Variants in MGMT observed in about 807,000 individuals in gnomAD.
MGMT encodes methylated-DNA--protein-cysteine methyltransferase.
In MGMT, 14 loss-of-function variants were observed where a neutral mutation model predicts 15.9. That is an observed-to-expected ratio of 0.88 (90% CI 0.58 to 1.37). The LOEUF (loss-of-function observed/expected upper bound fraction) is 1.37. MGMT is among the 40% of genes most tolerant of loss of function. MGMT has a pLI of 0.00. For synonymous variants in MGMT, 130 were observed against 118.2 expected, an observed-to-expected ratio of 1.10 and a Z score of -0.65; for missense variants, 282 against 268.1, an observed-to-expected ratio of 1.05 and a Z score of -0.36.
rs72831525 is a variant in MGMT at position 129,476,792 on chromosome 10, G to A, written c.-13+9496G>A. 4.2e-3 allele frequency among the ~76,000 whole-genome samples: 632 copies of A among 152,256 alleles called. 6 individuals are homozygous for A. The highest frequency in any genetic ancestry group is 4.9e-3 in the Non-Finnish European group (331 of 68,006). On this transcript the variant is annotated intron_variant, in intron 1 of 4. Coordinates refer to ENST00000651593, the MANE Select transcript of MGMT (RefSeq NM_002412.5). ...CCTCCCAACTCAGGGTGTCCTGCAC[G>A]CCCACACTGCCTCCCTCTTCTATCT...
intron 2 of MGMT, among the ~76,000 whole-genome samples, chr10:129,690,471 T>C (rs532675171): frequency 1.3e-5 from 2 of 152,250 alleles, no homozygotes; most frequent in East Asian, 1.9e-4. Flanking sequence ...GTGAGTAATA[T>C]AGAGATGTCC....
chr10:129,752,566 C>T (rs1391682498), intron 3 of MGMT, among the ~76,000 whole-genome samples: 1 of 151,404 alleles, frequency 6.6e-6, no homozygotes, highest in African/African-American at 2.4e-5. Context: ...CTATTTTTAA[C>T]TTGTTTTAGT....
intron 2 of MGMT, among the ~76,000 whole-genome samples, chr10:129,553,201 G>C (rs555761245): frequency 6.6e-6 from 1 of 152,160 alleles, no homozygotes; most frequent in African/African-American, 2.4e-5. Context: ...TTGGGTCAAG[G>C]ACTCTTTCTT....
chr10:129,497,318 C>G (rs1013370978), intron 1 of MGMT, among the ~76,000 whole-genome samples: 2 of 152,300 alleles, frequency 1.3e-5, no homozygotes, highest in South Asian at 4.1e-4. Context: ...CCCCGGTCAG[C>G]TGGTCCGGCA....
chr10:129,520,996 C>T lies in MGMT; in HGVS notation c.-12-15245C>T, dbSNP rs369723660. 1.2e-4 allele frequency among the ~76,000 whole-genome samples: 18 copies of T among 151,890 alleles called. No homozygotes were observed. The East Asian group carries it at 2.3e-3, about 20-fold the overall frequency. ...GAGGGTGCAGAGCCCCTACGGTGCG[C>T]GTACGGGGCCCCTACGGCACGCAGG... On this transcript the variant is annotated intron_variant, in intron 1 of 4. Transcript: ENST00000651593.
chr10:129,658,208 T>A (rs1239930117), intron 2 of MGMT, among the ~76,000 whole-genome samples: 2 of 152,198 alleles, frequency 1.3e-5, no homozygotes. Flanking sequence ...GCAGATGGGA[T>A]AATTCTACAG....
intron 2 of MGMT, among the ~76,000 whole-genome samples, chr10:129,558,552 T>G (rs1323389650): frequency 6.6e-6 from 1 of 152,198 alleles, no homozygotes; most frequent in African/African-American, 2.4e-5. Flanking sequence ...GTGTGTGTTT[T>G]CACCAAGTTA....
chr10:129,770,003 T>A lies in MGMT; in HGVS notation c.*3006T>A, dbSNP rs773768257. Among the ~76,000 whole-genome samples the A allele has an allele frequency of 5.9e-5, 9 of 152,126 alleles. No homozygotes were observed. Among genetic ancestry groups the A allele is most frequent in the Non-Finnish European group, 1.3e-4 (9 of 68,020 alleles). ...AGAGAACTTACTTGGGGTTTGTAAT[T>A]TGTATACACTTCTTACCCAGCAGAA... On this transcript the variant is annotated 3_prime_UTR_variant, in exon 5 of 5. Coordinates refer to ENST00000651593, the MANE Select transcript of MGMT (RefSeq NM_002412.5).
intron 1 of MGMT, among the ~76,000 whole-genome samples, chr10:129,477,959 A>C (rs1187891919): frequency 1.3e-5 from 2 of 152,206 alleles, no homozygotes; most frequent in Non-Finnish European, 2.9e-5. Context: ...AGTGTATTGC[A>C]GTAAAAAACA....
intron 2 of MGMT, among the ~76,000 whole-genome samples, chr10:129,653,354 A>G (rs1289571503): frequency 6.6e-6 from 1 of 152,238 alleles, no homozygotes; most frequent in East Asian, 1.9e-4. Flanking sequence ...CCACCCCCTC[A>G]GGATGGCCAG....
chr10:129,487,911 G>A (rs1645968190), intron 1 of MGMT, among the ~76,000 whole-genome samples: 1 of 109,884 alleles, frequency 9.1e-6, no homozygotes, highest in African/African-American at 3.2e-5. Context: ...TACCATATAG[G>A]GGTGTGTGTG....
At chr10:129,544,691 G>T (rs1049187555) in intron 2 of MGMT, among the ~76,000 whole-genome samples, 1 of 152,152 alleles carries the variant, frequency 6.6e-6, no homozygotes, top group African/African-American at 2.4e-5. Flanking sequence ...CCCAGGCCCT[G>T]TGTCTGCGCT....
In MGMT at chr10:129,521,167, C is replaced by T. The variant is rs1192696130; in HGVS notation, c.-12-15074C>T. Reference sequence around the variant, plus strand: ...GCTGGTGTCTGGGCCTCTCAGAGCTCAGGCCCCGCACATCGTCAGAGTGAC... The same window carrying T: ...GCTGGTGTCTGGGCCTCTCAGAGCTTAGGCCCCGCACATCGTCAGAGTGAC... On this transcript the variant is annotated intron_variant, in intron 1 of 4. Coordinates refer to ENST00000651593, the MANE Select transcript of MGMT (RefSeq NM_002412.5). Among the ~76,000 whole-genome samples the T allele has an allele frequency of 2.6e-5, 4 of 152,140 alleles. No homozygotes were observed. The East Asian group carries it at 5.8e-4, about 22-fold the overall frequency.
intron 2 of MGMT, among the ~76,000 whole-genome samples, chr10:129,682,635 G>A (rs1233924615): frequency 2.0e-5 from 3 of 152,016 alleles, no homozygotes; most frequent in Non-Finnish European, 4.4e-5. Flanking sequence ...AAATACATAA[G>A]AATTTAAAAT....
chr10:129,604,484 A>T (rs1846863816), intron 2 of MGMT, among the ~76,000 whole-genome samples: 1 of 152,178 alleles, frequency 6.6e-6, no homozygotes, highest in African/African-American at 2.4e-5. Flanking sequence ...GCTTTCTCAG[A>T]TGTGTGACTT....
intron 2 of MGMT, among the ~76,000 whole-genome samples, chr10:129,626,657 A>G (rs575394099): frequency 2.6e-5 from 4 of 152,186 alleles, no homozygotes; most frequent in Admixed American, 6.5e-5. Flanking sequence ...GTGGAAATCT[A>G]TGTTGGAGAC....
rs570784933 is a variant in MGMT, at chr10:129,675,103, G to A, written c.126-32792G>A. ...GAAGGACCCCACCTTGCACTTGGGG[G>A]ACCCGAGGAGGACCTGTGTGCTTGC... On this transcript the variant is annotated intron_variant, in intron 2 of 4. Transcript: ENST00000651593. Among the ~76,000 whole-genome samples, 6 of 152,318 alleles carry A rather than the reference G, an allele frequency of 3.9e-5. No individual in the cohort carries two copies. In the South Asian group the frequency reaches 1.2e-3, roughly 32 times the overall value.
At chr10:129,591,879 C>T (rs1281255066) in intron 2 of MGMT, among the ~76,000 whole-genome samples, 1 of 152,082 alleles carries the variant, frequency 6.6e-6, no homozygotes, top group South Asian at 2.1e-4. Flanking sequence ...CACAGTGAGC[C>T]GAGATGGCGC....
Position 129,766,955 on chromosome 10 carries a change from A to G in MGMT, c.582A>G (p.Gly194=). The G allele has an allele frequency of 1.2e-6, 2 of 1,610,636 alleles. No individual in the cohort carries two copies. Among genetic ancestry groups the G allele is most frequent in the East Asian group, 2.2e-5 (1 of 44,786 alleles). ...SSGLAGAWLK[G]AGATSGSPPA... ...GTCTGGCAGGGGCCTGGCTCAAGGG[A>G]GCGGGAGCTACCTCGGGCTCCCCGC... The change falls in exon 5 of 5, where the codon GGA becomes GGG. Residue 194 remains glycine, a synonymous_variant. Transcript: ENST00000651593.
Sources: gnomAD v4.1 joint callset for allele counts (sites outside exome capture counted in the v4.1 genomes callset) on GRCh38, gnomAD v4.1.1 for gene constraint, MANE v1.5 for transcripts, NCBI Gene and HGNC (gene_info 2026-07-23, HGNC 2026-07-21) for gene names.